The following APLF variants were observed in gnomAD, a reference collection of about 807,000 sequenced individuals.
The protein encoded by APLF is aprataxin and PNK-like factor.
APLF carries 61 observed loss-of-function variants against 55.6 expected under a neutral mutation model. The observed-to-expected ratio is 1.10, with a 90% confidence interval of 0.89 to 1.36. The LOEUF is 1.36. Ranked by LOEUF, APLF falls within the 40% of genes most tolerant of loss-of-function variation. APLF has a pLI of 0.00. For missense variants in APLF, 611 were observed against 602.5 expected, an observed-to-expected ratio of 1.01 and a Z score of -0.15; for synonymous variants, 207 against 214.8, an observed-to-expected ratio of 0.96 and a Z score of 0.32.
chr2:68,512,618 C>A (rs1669419210), intron 3 of APLF, among the ~76,000 whole-genome samples: 1 of 151,768 alleles, frequency 6.6e-6, no homozygotes, highest in Non-Finnish European at 1.5e-5. Context: ...GGGGATATTT[C>A]ATAAGTAGCT....
chr2:68,564,999 T>C (rs1671261532), intron 8 of APLF, among the ~76,000 whole-genome samples: 2 of 152,264 alleles, frequency 1.3e-5, no homozygotes, highest in African/African-American at 4.8e-5. Context: ...ATTCATTTTC[T>C]CAGCTTTGTT....
intron 3 of APLF, 45 bp downstream of exon 3, chr2:68,502,948 A>G: frequency 6.4e-7 from 1 of 1,559,490 alleles, no homozygotes; most frequent in African/African-American, 1.4e-5. Context: ...TTTTTAATCT[A>G]ATTCCTCAGC....
At chr2:68,488,193 G>A (rs762779664) in intron 1 of APLF, among the ~76,000 whole-genome samples, 1 of 152,066 alleles carries the variant, frequency 6.6e-6, no homozygotes, top group Non-Finnish European at 1.5e-5. Flanking sequence ...TTGGTTCGTA[G>A]TATGGAAGTA....
intron 6 of APLF, among the ~76,000 whole-genome samples, chr2:68,526,869 G>C (rs1173132142): frequency 2.0e-5 from 3 of 152,176 alleles, no homozygotes; most frequent in African/African-American, 7.2e-5. Flanking sequence ...TGTGTTTTCA[G>C]TAGAGACGGA....
intron 5 of APLF, among the ~76,000 whole-genome samples, chr2:68,518,905 T>C (rs1669781833): frequency 1.6e-5 from 2 of 125,348 alleles, no homozygotes; most frequent in South Asian, 2.3e-4. Flanking sequence ...CATTAATATA[T>C]AATAAAATAA....
intron 8 of APLF, among the ~76,000 whole-genome samples, chr2:68,559,379 T>G (rs1671105082): frequency 6.6e-6 from 1 of 152,198 alleles, no homozygotes. Flanking sequence ...CTTTCTGTTC[T>G]TATTTCTTAG....
At chr2:68,575,945 T>C (rs1386160614) in intron 9 of APLF, among the ~76,000 whole-genome samples, 1 of 152,134 alleles carries the variant, frequency 6.6e-6, no homozygotes, top group Non-Finnish European at 1.5e-5. Flanking sequence ...GATGGAATCA[T>C]CTAAGGAGTG....
chr2:68,558,972 A>G (rs1671092611), intron 8 of APLF, among the ~76,000 whole-genome samples: 1 of 152,220 alleles, frequency 6.6e-6, no homozygotes, highest in Non-Finnish European at 1.5e-5. Flanking sequence ...TTGGAAGTAA[A>G]TAAAACTAAA....
chr2:68,497,163 T>G (rs1455177497), intron 2 of APLF, among the ~76,000 whole-genome samples: 2 of 152,108 alleles, frequency 1.3e-5, no homozygotes, highest in African/African-American at 4.8e-5. Flanking sequence ...TCTGCTTGGT[T>G]TCTGGGGAGG....
intron 8 of APLF, among the ~76,000 whole-genome samples, chr2:68,561,779 A>C (rs894971861): frequency 2.6e-5 from 4 of 152,086 alleles, no homozygotes; most frequent in African/African-American, 9.7e-5. Flanking sequence ...ATTCCCTGGA[A>C]CATATCCCAC....
intron 2 of APLF, among the ~76,000 whole-genome samples, chr2:68,501,985 A>C (rs1676735572): frequency 6.6e-6 from 1 of 152,126 alleles, no homozygotes; most frequent in Non-Finnish European, 1.5e-5. Context: ...TTTTTGCTGC[A>C]TCATAACGTG....
chr2:68,579,551 TATCAACTG>T lies in APLF; in HGVS notation c.*1530_*1537del, dbSNP rs367755723. 0.015 allele frequency: 3,838 copies of T among 262,400 alleles called. 146 individuals are homozygous for T. The highest frequency in any genetic ancestry group is 0.11 in the African/African-American group (3,629 of 34,318). The allele number at this position is 262,400 out of a possible 1,614,324, so 16.3% of individuals were successfully genotyped here. A position where few individuals can be genotyped will look rare whatever the true frequency, so the allele number is the denominator to read the frequency against. ...GTATAAACACCCAAAGTCTATCAACTATCAACTGGGTGAATGGATAAGCAAAACGTGGT... is the reference window on the plus strand; with the variant it reads ...GTATAAACACCCAAAGTCTATCAACTGGTGAATGGATAAGCAAAACGTGGT... On this transcript the variant is annotated 3_prime_UTR_variant, in exon 10 of 10. Coordinates refer to ENST00000303795, the MANE Select transcript of APLF (RefSeq NM_173545.3).
intron 8 of APLF, among the ~76,000 whole-genome samples, chr2:68,549,044 A>G (rs542680529): frequency 6.6e-6 from 1 of 152,178 alleles, no homozygotes; most frequent in East Asian, 1.9e-4. Flanking sequence ...ATTATTCAAT[A>G]TCCTGTCAAG....
intron 1 of APLF, among the ~76,000 whole-genome samples, chr2:68,483,604 A>T (rs1259939481): frequency 2.0e-5 from 3 of 152,150 alleles, no homozygotes; most frequent in Non-Finnish European, 1.5e-5. Context: ...ATACAAGATA[A>T]TTTTTATAAA....
At chr2:68,564,509 A>G (rs7581931) in intron 8 of APLF, among the ~76,000 whole-genome samples, 36,393 of 151,946 alleles carry the variant, frequency 0.24, 7,041 homozygotes, top group African/African-American at 0.54. Flanking sequence ...AGTATTCTGT[A>G]ACTGTTTCTT....
At chr2:68,545,368 T>C (rs372402157) in intron 8 of APLF, 56 bp downstream of exon 8, 60 of 1,553,908 alleles carry the variant, frequency 3.9e-5, no homozygotes, top group African/African-American at 3.4e-4. Flanking sequence ...CTGTTACTTA[T>C]CTAGGAGAAA....
intron 8 of APLF, among the ~76,000 whole-genome samples, chr2:68,565,052 T>A (rs1004526073): frequency 6.6e-6 from 1 of 152,110 alleles, no homozygotes; most frequent in African/African-American, 2.4e-5. Context: ...AGTTAGTGGT[T>A]TTATTGGACA....
chr2:68,577,823 G>A lies in APLF; in HGVS notation c.1337G>A (p.Arg446Lys), dbSNP rs1433946630. 3 of 1,612,966 alleles carry A rather than the reference G, an allele frequency of 1.9e-6. No individual in the cohort carries two copies. Among genetic ancestry groups the A allele is most frequent in the Non-Finnish European group, 2.5e-6 (3 of 1,179,340 alleles). The change falls in exon 10 of 10, where the codon AGA (arginine) becomes AAA (lysine). Residue 446 changes from arginine to lysine, a missense_variant. Physicochemically the swap from Arg to Lys is conservative, Grantham distance 26. Transcript: ENST00000303795. ...IEYRHNTLPV[R>K]NVLDEDNDNV... ...GTACCAATCTTCTGTTTTGCAGTGA[G>A]AAATGTTTTAGATGAAGATAATGAT...
Position 68,478,249 on chromosome 2 carries a change from T to A in APLF, c.96+10422T>A, listed in dbSNP as rs189923932. 2.6e-5 allele frequency among the ~76,000 whole-genome samples: 4 copies of A among 152,162 alleles called. No individual in the cohort carries two copies. In the East Asian group the frequency reaches 7.7e-4, roughly 29 times the overall value. On this transcript the variant is annotated intron_variant, in intron 1 of 9. Transcript: ENST00000303795. ...GATTAAGGTCTGCAGCTGTGTTGCCTGCCATTTCAAAATAAATGAATACAG... is the reference window on the plus strand; with the variant it reads ...GATTAAGGTCTGCAGCTGTGTTGCCAGCCATTTCAAAATAAATGAATACAG...
Sources: gnomAD v4.1 joint callset for allele counts (sites outside exome capture counted in the v4.1 genomes callset) on GRCh38, gnomAD v4.1.1 for gene constraint, MANE v1.5 for transcripts, NCBI Gene and HGNC (gene_info 2026-07-23, HGNC 2026-07-21) for gene names.